The following LRRK2 variants were observed in gnomAD, a reference collection of about 807,000 sequenced individuals.
LRRK2 encodes the protein leucine rich repeat kinase 2.
Under a neutral mutation model 302.6 loss-of-function variants are expected in LRRK2, and 203 were observed. That is an observed-to-expected ratio of 0.67 (90% CI 0.60 to 0.75). The LOEUF (loss-of-function observed/expected upper bound fraction) is 0.75. Among genes scored for constraint, LRRK2 ranks in the 30% least tolerant of loss-of-function variants. LRRK2 has a pLI of 0.00. For missense variants in LRRK2, 2,830 were observed against 2,951.0 expected, an observed-to-expected ratio of 0.96 and a Z score of 0.95; for synonymous variants, 1,066 against 1,031.9, an observed-to-expected ratio of 1.03 and a Z score of -0.63.
In LRRK2 at chr12:40,298,278, T is replaced by C; in HGVS notation, c.3132T>C (p.Ser1044=). The C allele has an allele frequency of 1.2e-6, 2 of 1,613,718 alleles. No individual in the cohort carries two copies. Among genetic ancestry groups the C allele is most frequent in the East Asian group, 2.2e-5 (1 of 44,854 alleles). Residue 1044 remains serine, a synonymous_variant, in exon 24 of 51, where the codon AGT becomes AGC. Transcript: ENST00000298910. ...GTTTGACACATTTGGACTTGCACAG[T>C]AATAAATTTACATCATTTCCTTCTT... ...LKSLTHLDLH[S]NKFTSFPSYL...
intron 2 of LRRK2, among the ~76,000 whole-genome samples, chr12:40,231,045 C>T (rs1941154917): frequency 6.6e-6 from 1 of 151,992 alleles, no homozygotes; most frequent in African/African-American, 2.4e-5. Flanking sequence ...TTCTCTTTTT[C>T]TCCTATCAGA....
At chr12:40,305,593 T>C (rs1363674304) in intron 27 of LRRK2, among the ~76,000 whole-genome samples, 192 bp from the exon 28 acceptor site, 2 of 152,142 alleles carry the variant, frequency 1.3e-5, no homozygotes, top group Non-Finnish European at 2.9e-5. Context: ...AGTTTTTATA[T>C]GTAAGTTTTT....
chr12:40,334,227 G>T (rs1945801584), intron 39 of LRRK2, among the ~76,000 whole-genome samples: 1 of 152,200 alleles, frequency 6.6e-6, no homozygotes, highest in Admixed American at 6.5e-5. Context: ...AGATGAGTTT[G>T]ACGTGGCCTG....
chr12:40,365,256 G>T (rs1946842038), intron 49 of LRRK2: 2 of 550,440 alleles, frequency 3.6e-6, no homozygotes, highest in Admixed American at 6.6e-5. Flanking sequence ...CACAAGAGAA[G>T]CAGATTACTG....
At position 40,308,604 on chromosome 12, in the gene LRRK2, G is replaced by C. The variant is rs751864732; in HGVS notation, c.4097G>C (p.Ser1366Thr). ...KTKKSDLGMQ[S>T]ATVGIDVKDW... is the part of the protein sequence containing the mutation. ...AAGAAATCAGATCTTGGAATGCAAA[G>C]TGCCACAGTTGGCATAGATGTGAAA... Residue 1366 changes from serine to threonine, a missense_variant, in exon 29 of 51, where the codon AGT becomes ACT. By Grantham distance (58) the Ser-to-Thr change is moderately conservative. Transcript: ENST00000298910. The C allele has an allele frequency of 1.2e-6, 2 of 1,614,040 alleles. No homozygotes were observed. The highest frequency in any genetic ancestry group is 4.5e-5 in the East Asian group (2 of 44,856).
At chr12:40,250,358 C>T (rs904410403) in intron 8 of LRRK2, among the ~76,000 whole-genome samples, 9 of 152,124 alleles carry the variant, frequency 5.9e-5, no homozygotes, top group East Asian at 1.9e-4. Flanking sequence ...GGCATGGTGG[C>T]GGGCACCTAT....
intron 40 of LRRK2, among the ~76,000 whole-genome samples, chr12:40,336,774 T>A (rs1764545729): frequency 6.6e-6 from 1 of 152,206 alleles, no homozygotes; most frequent in Non-Finnish European, 1.5e-5. Flanking sequence ...AGGGGGAATC[T>A]TGGGTTACAT....
chr12:40,310,302 T>C, intron 30 of LRRK2, 129 bp from the exon 31 acceptor site: 1 of 877,760 alleles, frequency 1.1e-6, no homozygotes, highest in Non-Finnish European at 1.9e-6. Context: ...GTTGTTCTTT[T>C]CTTCTTCTGA....
chr12:40,328,186 A>G (rs577251636), intron 38 of LRRK2, among the ~76,000 whole-genome samples, 174 bp from the exon 39 acceptor site: 1 of 152,366 alleles, frequency 6.6e-6, no homozygotes, highest in South Asian at 2.1e-4. Context: ...CTTTACATAT[A>G]TCTTTCTTGG....
At chr12:40,359,087 A>G (rs1375198637) in intron 46 of LRRK2, among the ~76,000 whole-genome samples, 173 bp from the exon 47 acceptor site, 1 of 151,436 alleles carries the variant, frequency 6.6e-6, no homozygotes, top group Non-Finnish European at 1.5e-5. Context: ...TACTATACTC[A>G]TTTATCAGAA....
chr12:40,236,380 A>G (rs1941467301), intron 4 of LRRK2, among the ~76,000 whole-genome samples: 1 of 152,176 alleles, frequency 6.6e-6, no homozygotes, highest in African/African-American at 2.4e-5. Flanking sequence ...AGAGGTAGAA[A>G]CAGGGTCTGA....
chr12:40,287,233 A>C (rs1943962146), intron 19 of LRRK2, 118 bp from the exon 20 acceptor site: 1 of 901,224 alleles, frequency 1.1e-6, no homozygotes, highest in Admixed American at 2.1e-5. Flanking sequence ...GTGACTTTGA[A>C]AGGAAAAATA....
intron 45 of LRRK2, among the ~76,000 whole-genome samples, chr12:40,355,417 A>T (rs1018162176): frequency 6.6e-6 from 1 of 151,872 alleles, no homozygotes; most frequent in Non-Finnish European, 1.5e-5. Flanking sequence ...TGTCAATGTG[A>T]TTAGGCCATC....
At chr12:40,308,883 G>A (rs945082987) in intron 29 of LRRK2, among the ~76,000 whole-genome samples, 187 bp downstream of exon 29, 22 of 152,140 alleles carry the variant, frequency 1.4e-4, no homozygotes, top group African/African-American at 5.1e-4. Context: ...GGATATGTTA[G>A]GAACAATTTG....
chr12:40,271,064 AC>A lies in LRRK2; in HGVS notation c.1657-3517del, dbSNP rs1943215595. Among the ~76,000 whole-genome samples the A allele has an allele frequency of 2.6e-5, 4 of 152,234 alleles. No individual in the cohort carries two copies. The South Asian group carries it at 8.3e-4, about 32-fold the overall frequency. On this transcript the variant is annotated intron_variant, in intron 14 of 50. Coordinates refer to ENST00000298910, the MANE Select transcript of LRRK2 (RefSeq NM_198578.4). ...AGTGCTGAGATTACAAATGTGAGCC[AC>A]CGTGACCAGCCTAAATATCTAAATT...
chr12:40,304,048 C>T lies in LRRK2; in HGVS notation c.3691C>T (p.Gln1231Ter). Residue 1231 changes from glutamine to a stop codon, truncating the protein, a stop_gained, in exon 27 of 51, where the codon CAG (glutamine) becomes TAG (stop). Coordinates refer to ENST00000298910, the MANE Select transcript of LRRK2 (RefSeq NM_198578.4). LOFTEE classifies it high-confidence loss of function. The part of the protein sequence containing the change: ...NLRELLFSHN[Q>*]ISILDLSEKA... ...AAGGGAACTCTTATTTAGCCATAATCAGATCAGCATCTTGGACTTGAGTGA... is the reference window on the plus strand; with the variant it reads ...AAGGGAACTCTTATTTAGCCATAATTAGATCAGCATCTTGGACTTGAGTGA... 1.2e-6 allele frequency: 2 copies of T among 1,613,660 alleles called. No homozygotes were observed. Among genetic ancestry groups the T allele is most frequent in the Non-Finnish European group, 1.7e-6 (2 of 1,179,710 alleles).
At chr12:40,267,134 TA>T (rs1030873735) in intron 14 of LRRK2, among the ~76,000 whole-genome samples, 6 of 151,396 alleles carry the variant, frequency 4.0e-5, no homozygotes, top group South Asian at 2.1e-4. Context: ...AAAGTATAAT[TA>T]AAAAAAAATG....
chr12:40,361,432 T>A (rs1946702569), intron 47 of LRRK2, among the ~76,000 whole-genome samples: 1 of 152,088 alleles, frequency 6.6e-6, no homozygotes, highest in Non-Finnish European at 1.5e-5. Flanking sequence ...AGGTTTGGAA[T>A]ACAACTGAAC....
chr12:40,287,872 C>T (rs1021180033), intron 20 of LRRK2, among the ~76,000 whole-genome samples: 2 of 151,684 alleles, frequency 1.3e-5, no homozygotes, highest in African/African-American at 2.4e-5. Context: ...GTAGTAATGT[C>T]GACTTTGCAG....
Sources: gnomAD v4.1 joint callset for allele counts (sites outside exome capture counted in the v4.1 genomes callset) on GRCh38, gnomAD v4.1.1 for gene constraint, MANE v1.5 for transcripts, NCBI Gene and HGNC (gene_info 2026-07-23, HGNC 2026-07-21) for gene names.